ZMYM5: variants seen among roughly 807,000 people sequenced by gnomAD.
ZMYM5 encodes zinc finger MYM-type containing 5, also known as zinc finger MYM-type protein 5.
A neutral mutation model predicts 61.8 loss-of-function variants in ZMYM5; 41 were observed. The ratio of observed to expected loss-of-function variants is 0.66; its 90% CI spans 0.52 to 0.86. The LOEUF (loss-of-function observed/expected upper bound fraction) is 0.86. Ranked by LOEUF, ZMYM5 falls within the 40% of genes least tolerant of loss-of-function variation. The pLI, the probability that ZMYM5 is intolerant of heterozygous loss-of-function variation, is 0.00. For missense variants in ZMYM5, 706 were observed against 786.7 expected, an observed-to-expected ratio of 0.90 and a Z score of 1.23; for synonymous variants, 257 against 276.4, an observed-to-expected ratio of 0.93 and a Z score of 0.70.
chr13:19,863,033 A>T (rs1340852434), intron 1 of ZMYM5, among the ~76,000 whole-genome samples: 1 of 152,234 alleles, frequency 6.6e-6, no homozygotes, highest in Non-Finnish European at 1.5e-5. Flanking sequence ...CCCTCGCCCG[A>T]AAAACCTGGG....
At chr13:19,847,590 T>A (rs1953121008) in intron 4 of ZMYM5, among the ~76,000 whole-genome samples, 2 of 152,108 alleles carry the variant, frequency 1.3e-5, no homozygotes, top group African/African-American at 4.8e-5. Context: ...TTACAAATGT[T>A]ATTTATGTTA....
chr13:19,851,222 AAAACAAAC>A, intron 4 of ZMYM5, 125 bp downstream of exon 4: 4 of 888,696 alleles, frequency 4.5e-6, no homozygotes, highest in African/African-American at 1.7e-5. Context: ...TCGGTCTCCA[AAAACAAAC>A]AAACAAACAA....
intron 4 of ZMYM5, among the ~76,000 whole-genome samples, chr13:19,848,543 GT>G (rs539793524): frequency 0.016 from 2,050 of 126,144 alleles, 24 homozygotes; most frequent in Middle Eastern, 0.059. Flanking sequence ...CAGCCTCTTT[GT>G]TTTTTTTTGA....
chr13:19,853,034 G>A (rs1953371534), intron 2 of ZMYM5, among the ~76,000 whole-genome samples: 1 of 152,118 alleles, frequency 6.6e-6, no homozygotes, highest in Non-Finnish European at 1.5e-5. Flanking sequence ...AAAGTTCTTG[G>A]AGAGAGGAGG....
chr13:19,830,542 C>T (rs1028212839), intron 7 of ZMYM5, among the ~76,000 whole-genome samples: 2 of 151,916 alleles, frequency 1.3e-5, no homozygotes, highest in Non-Finnish European at 2.9e-5. Context: ...GCCTGGCTAA[C>T]ATATAATTTT....
At position 19,835,644 on chromosome 13, in the gene ZMYM5, T is replaced by C. The variant is rs200991329; in HGVS notation, c.1084A>G (p.Ser362Gly). 579 of 1,367,580 alleles carry C rather than the reference T, an allele frequency of 4.2e-4. No individual in the cohort carries two copies. The highest frequency in any genetic ancestry group is 5.4e-4 in the Non-Finnish European group (550 of 1,021,870). 84.7% of individuals were successfully genotyped at this position (1,367,580 alleles called of 1,614,324 possible). A position where few individuals can be genotyped will look rare whatever the true frequency, so the allele number is the denominator to read the frequency against. Residue 362 changes from serine (S) to glycine (G), a missense_variant, in exon 7 of 8, where the codon AGT becomes GGT. Ser to Gly is a moderately conservative substitution (Grantham distance 56). Around this residue, in one of 2 missense-constraint regions of ZMYM5, gnomAD observed 480 missense variants for 461.7 expected, o/e 1.04. Transcript: ENST00000337963. ...SVNNVTHKLC[S>G]NHCFNKYRLA... ...CTGTACTTATTAAAGCAATGGTTAC[T>C]GCACAGTTTATGTGTTACATTATTT...
chr13:19,858,673 C>T (rs1037675727), intron 2 of ZMYM5, among the ~76,000 whole-genome samples: 4 of 151,076 alleles, frequency 2.6e-5, no homozygotes, highest in Non-Finnish European at 4.4e-5. Context: ...ACAGGACTAC[C>T]ACAAGGAAAG....
intron 4 of ZMYM5, among the ~76,000 whole-genome samples, chr13:19,846,528 C>T (rs1953078815): frequency 6.6e-6 from 1 of 151,826 alleles, no homozygotes; most frequent in Admixed American, 6.6e-5. Context: ...TTCTCAGGAC[C>T]TCCTGAGGGC....
At chr13:19,863,103 C>A (rs534176630) in intron 1 of ZMYM5, among the ~76,000 whole-genome samples, 2 of 152,250 alleles carry the variant, frequency 1.3e-5, no homozygotes, top group East Asian at 1.9e-4. Context: ...CCGGCCGGGG[C>A]GCCCCTCCCT....
chr13:19,850,155 A>G (rs986793077), intron 4 of ZMYM5, among the ~76,000 whole-genome samples: 5 of 152,134 alleles, frequency 3.3e-5, no homozygotes, highest in African/African-American at 7.2e-5. Flanking sequence ...AAGCAACAAA[A>G]AGGCATTGCT....
At chr13:19,857,297 A>C (rs116612984) in intron 2 of ZMYM5, among the ~76,000 whole-genome samples, 1,763 of 152,318 alleles carry the variant, frequency 0.012, 35 homozygotes, top group African/African-American at 0.039. Context: ...CATGTAAACT[A>C]TCTCTAGAGA....
intron 2 of ZMYM5, among the ~76,000 whole-genome samples, chr13:19,856,061 C>G (rs1255916221): frequency 6.6e-6 from 1 of 151,416 alleles, no homozygotes; most frequent in Non-Finnish European, 1.5e-5. Flanking sequence ...ACAACAACAA[C>G]AAAACTACTA....
At chr13:19,860,237 T>G (rs1453057609) in intron 2 of ZMYM5, among the ~76,000 whole-genome samples, 1 of 150,590 alleles carries the variant, frequency 6.6e-6, no homozygotes, top group Non-Finnish European at 1.5e-5. Context: ...GTGATTCTCC[T>G]GGCTCAGCCT....
At chr13:19,859,158 C>G (rs191579064) in intron 2 of ZMYM5, among the ~76,000 whole-genome samples, 7 of 152,202 alleles carry the variant, frequency 4.6e-5, no homozygotes, top group Admixed American at 3.3e-4. Context: ...CCCTCTCCTA[C>G]TTGATTCCCA....
rs754438820 is a variant in ZMYM5, at chr13:19,852,111, T to C, written c.70A>G (p.Met24Val). Residue 24 changes from methionine (M) to valine (V), a missense_variant, in exon 3 of 8, where the codon ATG becomes GTG. Met to Val is a conservative substitution (Grantham distance 21, BLOSUM62 1). This residue lies in a region of ZMYM5 where 480 missense variants were observed against 461.7 expected (regional missense o/e 1.04). Transcript: ENST00000337963. ...CCTATGTCCATGAGACTAGTTGCCATGGCCATATTCCCTAATAAAGCAGGA... is the reference window on the plus strand; with the variant it reads ...CCTATGTCCATGAGACTAGTTGCCACGGCCATATTCCCTAATAAAGCAGGA... ...QTPALLGNMAMATSLMDIGDS... is the reference protein window; with the variant it reads ...QTPALLGNMAVATSLMDIGDS... 9.9e-6 allele frequency: 16 copies of C among 1,613,514 alleles called. No individual in the cohort carries two copies. The highest frequency in any genetic ancestry group is 7.7e-5 in the South Asian group (7 of 91,080).
At chr13:19,863,152 A>G (rs1379228616) in intron 1 of ZMYM5, among the ~76,000 whole-genome samples, 1 of 151,450 alleles carries the variant, frequency 6.6e-6, no homozygotes, top group Non-Finnish European at 1.5e-5. Flanking sequence ...GCAGGAGAGA[A>G]AGAAAAATGC....
chr13:19,837,134 C>G (rs868623950), intron 6 of ZMYM5, among the ~76,000 whole-genome samples: 2 of 151,834 alleles, frequency 1.3e-5, no homozygotes, highest in East Asian at 3.9e-4. Context: ...CTGGTTCAAG[C>G]GATTCTCCTG....
chr13:19,846,525 G>T (rs1296414634), intron 4 of ZMYM5, among the ~76,000 whole-genome samples: 1 of 151,828 alleles, frequency 6.6e-6, no homozygotes, highest in African/African-American at 2.4e-5. Context: ...ATGTTCTCAG[G>T]ACCTCCTGAG....
intron 4 of ZMYM5, chr13:19,841,738 G>C (rs1446702163): frequency 6.6e-6 from 1 of 151,332 alleles, no homozygotes; most frequent in Non-Finnish European, 1.5e-5. Context: ...TGTGGGAACT[G>C]GAGAACTTTC....
Sources: gnomAD v4.1 joint callset for allele counts (sites outside exome capture counted in the v4.1 genomes callset) on GRCh38, gnomAD v4.1.1 for gene constraint, gnomAD v4.1.1 regional missense constraint, MANE v1.5 for transcripts, NCBI Gene and HGNC (gene_info 2026-07-23, HGNC 2026-07-21) for gene names.